The following TENM1 variants were observed in gnomAD, a reference collection of about 807,000 sequenced individuals.
TENM1 encodes the protein teneurin transmembrane protein 1.
TENM1 carries 35 observed loss-of-function variants against 174.8 expected under a neutral mutation model. That is an observed-to-expected ratio of 0.20 (90% confidence interval 0.15 to 0.27). The LOEUF (loss-of-function observed/expected upper bound fraction) is 0.27, where lower values mean the gene tolerates loss of function less well. Among genes scored for constraint, TENM1 ranks in the 10% least tolerant of loss-of-function variants. TENM1 has a pLI of 1.00. For missense variants in TENM1, 1,633 were observed against 2,130.1 expected (o/e 0.77, Z 4.59); for synonymous variants, 781 against 798.7 (o/e 0.98, Z 0.37).
At chrX:124,876,865 T>C (rs1008284949) in intron 3 of TENM1, among the ~76,000 whole-genome samples, 1 of 112,018 alleles carries the variant, frequency 8.9e-6, no homozygotes, top group Admixed American at 9.5e-5. Context: ...TGGTCTCTTA[T>C]GAATCATTCA....
At chrX:124,767,088 A>G (rs2054553228) in intron 3 of TENM1, among the ~76,000 whole-genome samples, 1 of 111,562 alleles carries the variant, frequency 9.0e-6, no homozygotes, top group African/African-American at 3.2e-5. Context: ...TTTATCCCCT[A>G]TCTCTCTACT....
the TENM1 span, among the ~76,000 whole-genome samples, chrX:125,135,243 A>C: frequency 1.8e-5 from 2 of 111,974 alleles, no homozygotes; most frequent in African/African-American, 3.2e-5. Context: ...AATGCCCACA[A>C]TAAAAAGCAG....
chrX:124,917,221 C>T (rs1288904045), intron 1 of TENM1, among the ~76,000 whole-genome samples: 1 of 111,792 alleles, frequency 8.9e-6, no homozygotes, highest in Non-Finnish European at 1.9e-5. Context: ...GGTAGGAATA[C>T]AAGGGAGTCT....
At chrX:125,060,793 G>A in the TENM1 span, among the ~76,000 whole-genome samples, 7 of 110,352 alleles carry the variant, frequency 6.3e-5, no homozygotes, top group East Asian at 2.9e-4. Context: ...GACCTAAGCC[G>A]TCATATGTTC....
chrX:124,797,490 C>G (rs1426081399), intron 3 of TENM1, among the ~76,000 whole-genome samples: 1 of 111,055 alleles, frequency 9.0e-6, no homozygotes, highest in East Asian at 2.8e-4. Context: ...AACTTCCTTT[C>G]AAAGGCCCCT....
At chrX:124,521,641 G>C (rs1411262922) in intron 17 of TENM1, among the ~76,000 whole-genome samples, 2 of 112,155 alleles carry the variant, frequency 1.8e-5, no homozygotes, top group African/African-American at 6.5e-5. Flanking sequence ...TGTGTTCTTT[G>C]ACTTTCATCT....
intron 3 of TENM1, among the ~76,000 whole-genome samples, chrX:124,751,580 C>T (rs1375872788): frequency 5.6e-5 from 6 of 108,104 alleles, no homozygotes; most frequent in Non-Finnish European, 1.2e-4. Context: ...CATGCTGGTG[C>T]GCTGCACCCA....
intron 3 of TENM1, among the ~76,000 whole-genome samples, chrX:124,761,727 A>C (rs1439794641): frequency 9.0e-6 from 1 of 111,573 alleles, no homozygotes; most frequent in East Asian, 2.8e-4. Flanking sequence ...GGATCATACT[A>C]TTTCCATTGT....
chrX:124,452,425 A>T (rs1031236549), intron 23 of TENM1, among the ~76,000 whole-genome samples: 2 of 112,178 alleles, frequency 1.8e-5, no homozygotes, highest in African/African-American at 6.5e-5. Flanking sequence ...CGTTGGTGGG[A>T]CTGTCAACTG....
intron 1 of TENM1, among the ~76,000 whole-genome samples, chrX:124,938,434 T>C (rs752035339): frequency 4.5e-5 from 5 of 111,951 alleles, no homozygotes; most frequent in Non-Finnish European, 7.5e-5. Flanking sequence ...ACATAAACAT[T>C]GCCTAAAAAT....
At chrX:124,486,781 C>T (rs1412838704) in intron 21 of TENM1, among the ~76,000 whole-genome samples, 2 of 111,736 alleles carry the variant, frequency 1.8e-5, no homozygotes, top group African/African-American at 6.5e-5. Flanking sequence ...TAAAGAAGGT[C>T]ATCATGGTCA....
intron 3 of TENM1, among the ~76,000 whole-genome samples, chrX:124,826,926 T>TTAA (rs1472860279): frequency 8.9e-6 from 1 of 111,918 alleles, no homozygotes; most frequent in African/African-American, 3.2e-5. Context: ...TTACTGGTGT[T>TTAA]TAAAAAAAAA....
Position 124,523,485 on chromosome X carries a change from G to C in TENM1, c.2912C>G (p.Ser971Ter). 1 of 1,211,592 alleles carries C rather than the reference G, an allele frequency of 8.3e-7. No individual in the cohort carries two copies. Among genetic ancestry groups the C allele is most frequent in the Non-Finnish European group, 1.1e-6 (1 of 895,455 alleles). ...GGAGATATCGCAGGATGGCGGGTCT[G>C]ATACAACTCTCTGCATGGTGACTTT... is the stretch of plus-strand genomic sequence containing the variant. Residue 971 changes from serine (S) to a stop codon, truncating the protein, a stop_gained, in exon 17 of 32, where the codon TCA becomes TGA. Coordinates refer to ENST00000422452, the Ensembl canonical transcript of TENM1. LOFTEE classifies it high-confidence loss of function.
At chrX:124,974,246 C>T in the TENM1 span, among the ~76,000 whole-genome samples, 1 of 111,825 alleles carries the variant, frequency 8.9e-6, no homozygotes, top group Non-Finnish European at 1.9e-5. Flanking sequence ...GCCCTCATTT[C>T]CTATTCATCT....
chrX:124,828,727 T>C (rs2056223358), intron 3 of TENM1, among the ~76,000 whole-genome samples: 1 of 111,792 alleles, frequency 8.9e-6, no homozygotes, highest in South Asian at 3.8e-4. Flanking sequence ...TTAAAGCGGC[T>C]GAGGGCAAGG....
At chrX:124,947,666 G>A (rs907303674) in intron 1 of TENM1, among the ~76,000 whole-genome samples, 3 of 112,046 alleles carry the variant, frequency 2.7e-5, no homozygotes, top group Admixed American at 9.5e-5. Context: ...TCCTGCTGTC[G>A]TTGTTATTCT....
At chrX:125,182,279 A>T in the TENM1 span, among the ~76,000 whole-genome samples, 1 of 109,517 alleles carries the variant, frequency 9.1e-6, no homozygotes, top group African/African-American at 3.3e-5. Context: ...ACTTTTAAAG[A>T]TGCTTGTAGT....
the TENM1 span, among the ~76,000 whole-genome samples, chrX:125,092,264 G>A: frequency 9.0e-6 from 1 of 110,972 alleles, no homozygotes; most frequent in Non-Finnish European, 1.9e-5. Flanking sequence ...TCAATCTAAG[G>A]ATCCCAACAG....
At chrX:124,945,419 T>C (rs1034217949) in intron 1 of TENM1, among the ~76,000 whole-genome samples, 2 of 110,754 alleles carry the variant, frequency 1.8e-5, no homozygotes, top group Admixed American at 9.7e-5. Flanking sequence ...ACTCTGACTA[T>C]TGTATTTTGA....
Sources: gnomAD v4.1 joint callset for allele counts (sites outside exome capture counted in the v4.1 genomes callset) on GRCh38, gnomAD v4.1.1 for gene constraint, MANE v1.5 for transcripts, NCBI Gene and HGNC (gene_info 2026-07-23, HGNC 2026-07-21) for gene names.